PSMA6: variants seen among roughly 807,000 people sequenced by gnomAD.
PSMA6 encodes the protein proteasome 20S subunit alpha 6.
For missense variants in PSMA6, 170 were observed against 294.8 expected (o/e 0.58, Z 3.10); for synonymous variants, 88 against 97.7 (o/e 0.90, Z 0.59).
chr14:35,281,815 T>G (rs992600718), intron 1 of PSMA6, among the ~76,000 whole-genome samples: 2 of 152,218 alleles, frequency 1.3e-5, no homozygotes, highest in African/African-American at 4.8e-5. Flanking sequence ...TCTTGAACTC[T>G]TTGCCTCTAT....
chr14:35,312,424 G>A (rs1016840190), intron 4 of PSMA6, among the ~76,000 whole-genome samples: 9 of 149,566 alleles, frequency 6.0e-5, no homozygotes, highest in Non-Finnish European at 1.0e-4. Context: ...GGAGAATGGC[G>A]TGAACCCGGG....
chr14:35,311,742 T>C (rs2051947969), intron 4 of PSMA6, among the ~76,000 whole-genome samples: 1 of 152,204 alleles, frequency 6.6e-6, no homozygotes, highest in South Asian at 2.1e-4. Flanking sequence ...AACATTAGAA[T>C]TGTAGTAACA....
At chr14:35,302,416 GTTTC>G (rs148535116) in intron 1 of PSMA6, among the ~76,000 whole-genome samples, 27,212 of 151,888 alleles carry the variant, frequency 0.18, 3,027 homozygotes, top group East Asian at 0.32. Flanking sequence ...TTATGTCATA[GTTTC>G]TTTATGTTTT....
chr14:35,299,049 C>T (rs1294587427), intron 1 of PSMA6, among the ~76,000 whole-genome samples: 3 of 151,952 alleles, frequency 2.0e-5, no homozygotes, highest in African/African-American at 7.3e-5. Context: ...TTTTTTGAGA[C>T]AGGGTCTCAC....
chr14:35,292,565 G>A lies in PSMA6; in HGVS notation c.76+13G>A, dbSNP rs1331944027. On this transcript the variant is annotated intron_variant, in intron 1 of 6. Transcript: ENST00000261479. ...CTCTACCAAGTAGGTGAGTGAACCA[G>A]GTTCGCCTGTGGGCCACCTGAATTG... The A allele has an allele frequency of 1.2e-6, 2 of 1,612,882 alleles. No individual in the cohort carries two copies. Among genetic ancestry groups the A allele is most frequent in the East Asian group, 2.2e-5 (1 of 44,868 alleles).
rs565712891 is a variant in PSMA6 at position 35,315,603 on chromosome 14, T to C, written c.683+1148T>C. 6 of 151,560 alleles carry C rather than the reference T, an allele frequency of 4.0e-5. No homozygotes were observed. The East Asian group carries it at 1.2e-3, about 30-fold the overall frequency. The allele number at this position is 151,560 out of a possible 1,614,324, so 9.4% of individuals were successfully genotyped here. Reference sequence around the variant, plus strand: ...CAACCGACAACACCAAAAGCGAATCTATCCTAGCTTTTCTTCCCGTAGGAA... The same window carrying C: ...CAACCGACAACACCAAAAGCGAATCCATCCTAGCTTTTCTTCCCGTAGGAA... On this transcript the variant is annotated intron_variant, in intron 6 of 6. Coordinates refer to ENST00000261479, the MANE Select transcript of PSMA6 (RefSeq NM_002791.3).
At chr14:35,300,125 C>CT (rs1333756273) in intron 1 of PSMA6, among the ~76,000 whole-genome samples, 1 of 152,004 alleles carries the variant, frequency 6.6e-6, no homozygotes, top group Non-Finnish European at 1.5e-5. Context: ...TAGCAGGGGT[C>CT]TTTAAGAATG....
chr14:35,284,236 T>C (rs1382066371), intron 1 of PSMA6, among the ~76,000 whole-genome samples: 1 of 152,086 alleles, frequency 6.6e-6, no homozygotes, highest in East Asian at 1.9e-4. Flanking sequence ...TCTTTTTTCT[T>C]CCTCTGCTTG....
intron 6 of PSMA6, chr14:35,314,666 A>G (rs1269162738): frequency 1.6e-5 from 7 of 445,436 alleles, no homozygotes; most frequent in South Asian, 9.4e-5. Flanking sequence ...CTTATTTCAG[A>G]GTGATTTTAT....
chr14:35,292,272 C>A, upstream of PSMA6: 1 of 1,381,470 alleles, frequency 7.2e-7, no homozygotes. Context: ...GGCCTCCCGC[C>A]CTCACTCCAC....
At chr14:35,306,529 C>T (rs1289208346) in intron 1 of PSMA6, among the ~76,000 whole-genome samples, 1 of 151,982 alleles carries the variant, frequency 6.6e-6, no homozygotes, top group Non-Finnish European at 1.5e-5. Context: ...CATGGTGAAA[C>T]CCTGTCTTTA....
intron 1 of PSMA6, among the ~76,000 whole-genome samples, chr14:35,284,753 C>G (rs973696398): frequency 6.6e-6 from 1 of 152,048 alleles, no homozygotes; most frequent in East Asian, 1.9e-4. Context: ...CTCACTGATC[C>G]TCAAAAAAAC....
chr14:35,287,249 T>A (rs564852145), intron 1 of PSMA6, among the ~76,000 whole-genome samples: 24 of 152,204 alleles, frequency 1.6e-4, no homozygotes, highest in African/African-American at 5.5e-4. Flanking sequence ...GAGTCCTACG[T>A]CCCTTTCTTT....
At chr14:35,298,441 G>T (rs1261389363) in intron 1 of PSMA6, among the ~76,000 whole-genome samples, 1 of 151,722 alleles carries the variant, frequency 6.6e-6, no homozygotes, top group South Asian at 2.1e-4. Flanking sequence ...AGTGAGCTGA[G>T]ATCGCACTGC....
upstream of PSMA6, among the ~76,000 whole-genome samples, chr14:35,288,893 G>A (rs2051448037): frequency 6.6e-6 from 1 of 152,216 alleles, no homozygotes; most frequent in African/African-American, 2.4e-5. Flanking sequence ...GCTGCATGTG[G>A]CCCAGGATGG....
At chr14:35,307,916 C>A in intron 1 of PSMA6, 78 bp from the exon 2 acceptor site, 1 of 1,380,504 alleles carries the variant, frequency 7.2e-7, no homozygotes, top group Non-Finnish European at 1.0e-6. Context: ...CTTTCTCATT[C>A]TTTTTAATGA....
chr14:35,287,444 CTG>C (rs2051431898), upstream of PSMA6, among the ~76,000 whole-genome samples: 1 of 152,192 alleles, frequency 6.6e-6, no homozygotes, highest in East Asian at 1.9e-4. Flanking sequence ...CCCTGGCTCA[CTG>C]AAACTGCCGG....
chr14:35,282,891 G>A (rs1006225357), intron 1 of PSMA6, among the ~76,000 whole-genome samples: 4 of 151,698 alleles, frequency 2.6e-5, no homozygotes, highest in Non-Finnish European at 4.4e-5. Context: ...GGGTCAGGCT[G>A]GAGTGCAAAG....
chr14:35,278,595 C>G (rs2051330492), upstream of PSMA6: 2 of 1,239,556 alleles, frequency 1.6e-6, no homozygotes, highest in Non-Finnish European at 2.3e-6. Context: ...GTGGAATTCC[C>G]TGACGATTCC....
Sources: gnomAD v4.1 joint callset for allele counts (sites outside exome capture counted in the v4.1 genomes callset) on GRCh38, gnomAD v4.1.1 for gene constraint, MANE v1.5 for transcripts, NCBI Gene and HGNC (gene_info 2026-07-23, HGNC 2026-07-21) for gene names.